Variants in CPXM2 observed in about 807,000 individuals in gnomAD.
CPXM2 encodes the protein carboxypeptidase X, M14 family member 2, also known as inactive carboxypeptidase-like protein X2.
CPXM2 carries 66 observed loss-of-function variants against 86.1 expected under a neutral mutation model. The observed-to-expected ratio is 0.77, with a 90% CI of 0.63 to 0.94. The LOEUF is 0.94. Among genes scored for constraint, CPXM2 ranks in the 40% least tolerant of loss-of-function variants. The probability of loss-of-function intolerance (pLI) is 0.00; values close to 1 mark genes in which losing one functional copy is unlikely to be tolerated. For synonymous variants in CPXM2, 388 were observed against 400.2 expected, an observed-to-expected ratio of 0.97 and a Z score of 0.36; for missense variants, 948 against 1,026.3, an observed-to-expected ratio of 0.92 and a Z score of 1.04.
chr10:123,853,161 G>A (rs977581696), intron 3 of CPXM2, among the ~76,000 whole-genome samples: 1 of 152,112 alleles, frequency 6.6e-6, no homozygotes, highest in Admixed American at 6.5e-5. Context: ...CCTGCTAGGG[G>A]CATGTAAGCA....
At chr10:123,802,819 AT>A (rs1847489345) in intron 4 of CPXM2, among the ~76,000 whole-genome samples, 1 of 152,122 alleles carries the variant, frequency 6.6e-6, no homozygotes, top group South Asian at 2.1e-4. Flanking sequence ...GACACTTGTT[AT>A]TATCTTCCTT....
At chr10:123,750,045 C>T in intron 13 of CPXM2, 4 of 813,884 alleles carry the variant, frequency 4.9e-6, no homozygotes, top group Non-Finnish European at 5.9e-6. Context: ...GTCTTGAACT[C>T]CTGACCTCAT....
intron 2 of CPXM2, among the ~76,000 whole-genome samples, chr10:123,919,304 A>G (rs2134277377): frequency 6.6e-6 from 1 of 152,366 alleles, no homozygotes. Context: ...TGCTAAAATG[A>G]AATAATCAAC....
upstream of CPXM2, among the ~76,000 whole-genome samples, chr10:123,893,635 C>T (rs1346305882): frequency 6.6e-6 from 1 of 152,060 alleles, no homozygotes; most frequent in Non-Finnish European, 1.5e-5. Context: ...CCCCACCCAC[C>T]ACTCTTTGCT....
intron 6 of CPXM2, among the ~76,000 whole-genome samples, chr10:123,783,268 G>A (rs1846975550): frequency 6.6e-6 from 1 of 152,198 alleles, no homozygotes; most frequent in African/African-American, 2.4e-5. Context: ...TAATAAACTT[G>A]CTTTCAATTT....
intron 2 of CPXM2, among the ~76,000 whole-genome samples, chr10:123,868,805 A>T (rs1165184767): frequency 6.6e-6 from 1 of 152,136 alleles, no homozygotes; most frequent in Non-Finnish European, 1.5e-5. Context: ...TGCAGCAGAC[A>T]CTGAGGACTG....
intron 3 of CPXM2, among the ~76,000 whole-genome samples, chr10:123,854,978 T>G (rs1010761611): frequency 1.3e-5 from 2 of 151,994 alleles, no homozygotes; most frequent in Admixed American, 1.3e-4. Context: ...TTTTGGACCC[T>G]TTTTACTTTG....
rs1037312382 is a variant in CPXM2, at chr10:123,751,501, G to A, written c.2017+3162C>T. On this transcript the variant is annotated intron_variant, in intron 13 of 13. Transcript: ENST00000241305. Reference sequence around the variant, plus strand: ...ACCCTGACACATCTCCTATACGTGGGCAGAAGGGGCAACTCAGGCCCAAAG... The same window carrying A: ...ACCCTGACACATCTCCTATACGTGGACAGAAGGGGCAACTCAGGCCCAAAG... The A allele has an allele frequency of 1.1e-5, 11 of 984,896 alleles. No homozygotes were observed. The South Asian group carries it at 4.7e-4, about 42-fold the overall frequency. 61.0% of individuals were successfully genotyped at this position (984,896 alleles called of 1,614,324 possible).
chr10:123,875,483 T>G (rs879296780), intron 2 of CPXM2, among the ~76,000 whole-genome samples: 3 of 152,194 alleles, frequency 2.0e-5, no homozygotes, highest in Admixed American at 2.0e-4. Context: ...GGTCTGGGAA[T>G]AGCTGTGCCA....
intron 2 of CPXM2, among the ~76,000 whole-genome samples, chr10:123,925,842 A>C (rs1174043231): frequency 6.6e-6 from 1 of 152,232 alleles, no homozygotes; most frequent in Non-Finnish European, 1.5e-5. Flanking sequence ...CAATGAGCAA[A>C]TTCATGGAGC....
chr10:123,942,477 G>A (rs1012475894), upstream of CPXM2, among the ~76,000 whole-genome samples: 2 of 152,146 alleles, frequency 1.3e-5, no homozygotes, highest in Non-Finnish European at 2.9e-5. Context: ...CATCCTCACT[G>A]CTCATTATAT....
intron 2 of CPXM2, among the ~76,000 whole-genome samples, chr10:123,911,626 AC>A (rs1313341127): frequency 6.6e-6 from 1 of 152,012 alleles, no homozygotes; most frequent in Non-Finnish European, 1.5e-5. Context: ...AAGCTGAGAG[AC>A]TTCAGGAAAC....
In CPXM2 at chr10:123,891,519, G is replaced by A. The variant is rs1398995226; in HGVS notation, c.141C>T (p.Tyr47=). 5 of 1,548,642 alleles carry A rather than the reference G, an allele frequency of 3.2e-6. No individual in the cohort carries two copies. Among genetic ancestry groups the A allele is most frequent in the South Asian group, 2.4e-5 (2 of 83,930 alleles). The part of the protein sequence containing the change: ...GQEIWSREPY[Y]ARPEPELETF... ...TCTCGAGCTCGGGCTCCGGGCGCGC[G>A]TAGTAGGGCTCCCGGCTCCAGATCT... is the stretch of plus-strand genomic sequence containing the variant. Residue 47 remains tyrosine (Y), a synonymous_variant, in exon 1 of 14, where the codon TAC becomes TAT. Coordinates refer to ENST00000241305, the MANE Select transcript of CPXM2 (RefSeq NM_198148.3). This position sits in a 1 kb window ranked among gnomAD's most constrained non-coding sequence, Gnocchi z 5.6.
At chr10:123,815,262 G>T (rs755780064) in intron 4 of CPXM2, among the ~76,000 whole-genome samples, 6 of 152,182 alleles carry the variant, frequency 3.9e-5, no homozygotes, top group Non-Finnish European at 7.3e-5. Flanking sequence ...CCTCAAATCT[G>T]CTAAGTTTGC....
upstream of CPXM2, among the ~76,000 whole-genome samples, chr10:123,894,267 G>A (rs112439060): frequency 5.5e-3 from 833 of 152,186 alleles, 6 homozygotes; most frequent in African/African-American, 0.018. Flanking sequence ...ACATATACCC[G>A]CTCTGCAGTG....
At chr10:123,764,589 C>T (rs1028835297) in intron 10 of CPXM2, among the ~76,000 whole-genome samples, 5 of 152,044 alleles carry the variant, frequency 3.3e-5, no homozygotes, top group African/African-American at 1.2e-4. Context: ...CAGGTTAAAG[C>T]GATCCTCCTA....
At chr10:123,904,666 G>A (rs1297034876) in intron 2 of CPXM2, among the ~76,000 whole-genome samples, 1 of 152,134 alleles carries the variant, frequency 6.6e-6, no homozygotes, top group African/African-American at 2.4e-5. Flanking sequence ...CCCAAACCCT[G>A]GTCTGAACGT....
intron 2 of CPXM2, among the ~76,000 whole-genome samples, chr10:123,863,897 T>C (rs1290163305): frequency 1.3e-5 from 2 of 152,190 alleles, no homozygotes; most frequent in Non-Finnish European, 2.9e-5. Context: ...ATTCGCCTCT[T>C]GGAGCTCACA....
intron 7 of CPXM2, among the ~76,000 whole-genome samples, chr10:123,772,640 A>G (rs1446067088): frequency 1.4e-5 from 2 of 141,326 alleles, no homozygotes; most frequent in Admixed American, 6.9e-5. Flanking sequence ...CCTTACTGTG[A>G]TCATCACCTC....
Sources: allele counts gnomAD v4.1 joint callset (sites outside exome capture counted in the v4.1 genomes callset), GRCh38; gene constraint gnomAD v4.1.1; non-coding constraint Gnocchi (gnomAD v3.1); transcripts MANE v1.5; gene names NCBI Gene and HGNC (gene_info 2026-07-23, HGNC 2026-07-21).